RGS3: variants seen among roughly 807,000 people sequenced by gnomAD.
RGS3 encodes the protein regulator of G protein signaling 3.
In RGS3, 80 loss-of-function variants were observed where a neutral mutation model predicts 132.6. The observed-to-expected ratio is 0.60, with a 90% CI of 0.50 to 0.73. RGS3 has a LOEUF of 0.73. Ranked by LOEUF, RGS3 falls within the 30% of genes least tolerant of loss-of-function variation. The pLI is 0.00. For missense variants in RGS3, 1,382 were observed against 1,530.8 expected (o/e 0.90, Z 1.62); for synonymous variants, 598 against 620.6 (o/e 0.96, Z 0.54).
chr9:113,544,897 A>G (rs1052006495), intron 19 of RGS3, among the ~76,000 whole-genome samples: 2 of 152,270 alleles, frequency 1.3e-5, no homozygotes, highest in Admixed American at 6.5e-5. Context: ...GATATCCGGC[A>G]TGTCAGAAGC....
chr9:113,461,930 C>A, intron 2 of RGS3: 1 of 1,592,040 alleles, frequency 6.3e-7, no homozygotes, highest in South Asian at 1.1e-5. Context: ...TCCTGAACAC[C>A]ATGCTTTCTA....
chr9:113,539,673 AGG>A (rs1832822553), intron 19 of RGS3, among the ~76,000 whole-genome samples: 1 of 152,148 alleles, frequency 6.6e-6, no homozygotes. Flanking sequence ...CTCTGGGAAA[AGG>A]GGGTTTGTAA....
chr9:113,447,319 GTATGTATATGTATATA>G (rs1437125111), intron 1 of RGS3, among the ~76,000 whole-genome samples: 5 of 21,886 alleles, frequency 2.3e-4, no homozygotes, highest in Non-Finnish European at 5.5e-4. Context: ...AAATTCTGAT[GTATGTATATGTATATA>G]TATATATATA....
chr9:113,450,781 G>A (rs535544855), intron 1 of RGS3, among the ~76,000 whole-genome samples: 74 of 152,294 alleles, frequency 4.9e-4, no homozygotes, highest in Non-Finnish European at 9.1e-4. Flanking sequence ...GGAAAACTCA[G>A]GCAAGGGGGA....
intron 24 of RGS3, 114 bp downstream of exon 22, chr9:113,595,879 A>G (rs1374347816): frequency 3.5e-6 from 4 of 1,145,364 alleles, no homozygotes; most frequent in African/African-American, 3.1e-5. Flanking sequence ...TGACTCCATG[A>G]GCCCAGGTAC....
chr9:113,532,668 C>T lies in RGS3; in HGVS notation c.1914+3404C>T, dbSNP rs142137289. On this transcript the variant is annotated intron_variant, in intron 18 of 24. Transcript: ENST00000350696. The stretch of plus-strand genomic sequence containing the variant: ...AATCATGGCTATTACCTTGCAGTGT[C>T]GTTGGAAGAAATGTCGAGGTATCAC... 1.9e-3 allele frequency among the ~76,000 whole-genome samples: 296 copies of T among 152,244 alleles called. 2 individuals are homozygous for T. The highest frequency in any genetic ancestry group is 6.4e-3 in the African/African-American group (267 of 41,538).
chr9:113,577,373 C>T (rs538523365), intron 19 of RGS3, among the ~76,000 whole-genome samples: 1 of 152,236 alleles, frequency 6.6e-6, no homozygotes, highest in South Asian at 2.1e-4. Flanking sequence ...TGCCAACCTC[C>T]CTAGTAAAAA....
At chr9:113,530,271 C>G (rs1407153605) in intron 18 of RGS3, among the ~76,000 whole-genome samples, 1 of 152,202 alleles carries the variant, frequency 6.6e-6, no homozygotes, top group African/African-American at 2.4e-5. Context: ...TGAACAGCCC[C>G]CTGGAGGAGA....
intron 6 of RGS3, 117 bp downstream of exon 4, chr9:113,484,349 A>T (rs1162098160): frequency 2.1e-6 from 1 of 474,250 alleles, no homozygotes; most frequent in Non-Finnish European, 3.8e-6. Flanking sequence ...AAAAAAAAAA[A>T]CCAAAACAAA....
intron 7 of RGS3, 99 bp downstream of exon 5, chr9:113,485,792 G>T: frequency 1.3e-6 from 1 of 795,532 alleles, no homozygotes; most frequent in Non-Finnish European, 2.1e-6. Flanking sequence ...GTGCTTTCTG[G>T]ATAAATGAGT....
At chr9:113,453,145 GAT>G (rs1423894371) in intron 1 of RGS3, among the ~76,000 whole-genome samples, 1 of 118,616 alleles carries the variant, frequency 8.4e-6, no homozygotes, top group Non-Finnish European at 1.7e-5. Flanking sequence ...ATACTCATAT[GAT>G]TATATAATAT....
intron 3 of RGS3, among the ~76,000 whole-genome samples, chr9:113,471,402 C>T (rs1224395411): frequency 6.6e-6 from 1 of 152,176 alleles, no homozygotes; most frequent in Non-Finnish European, 1.5e-5. Context: ...TTTCCTTCTA[C>T]AGTCCTCCAT....
chr9:113,460,137 T>C (rs1935448876), upstream of RGS3: 2 of 958,194 alleles, frequency 2.1e-6, no homozygotes, highest in African/African-American at 3.6e-5. Context: ...AGGTCTATTT[T>C]ACTGAACTTT....
At chr9:113,483,619 C>T (rs1830233946) in intron 5 of RGS3, among the ~76,000 whole-genome samples, 1 of 152,210 alleles carries the variant, frequency 6.6e-6, no homozygotes, top group Admixed American at 6.5e-5. Context: ...AGTGTGGCAG[C>T]TGGGGTTCCA....
chr9:113,474,987 C>G (rs961055766), intron 3 of RGS3, among the ~76,000 whole-genome samples: 16 of 152,152 alleles, frequency 1.1e-4, no homozygotes, highest in African/African-American at 3.9e-4. Context: ...TATTGTCTGC[C>G]AGACTGAATT....
chr9:113,465,152 G>C (rs1251405998), intron 3 of RGS3, among the ~76,000 whole-genome samples: 1 of 152,222 alleles, frequency 6.6e-6, no homozygotes, highest in Non-Finnish European at 1.5e-5. Context: ...TGGGATGCAG[G>C]GCTCTGTGAG....
chr9:113,451,142 C>T (rs1259729474), intron 1 of RGS3, among the ~76,000 whole-genome samples: 1 of 150,582 alleles, frequency 6.6e-6, no homozygotes, highest in African/African-American at 2.5e-5. Flanking sequence ...CACACCACTG[C>T]ACCTCCAGCC....
intron 10 of RGS3, among the ~76,000 whole-genome samples, chr9:113,503,917 AT>A (rs1831023539): frequency 6.7e-6 from 1 of 150,000 alleles, no homozygotes; most frequent in Non-Finnish European, 1.5e-5. Context: ...CTTTCTTTCC[AT>A]TTTTTTCTCT....
intron 23 of RGS3, 170 bp from the exon 22 acceptor site, chr9:113,595,429 G>A: frequency 1.5e-6 from 1 of 646,074 alleles, no homozygotes. Flanking sequence ...CCCTGAAAGA[G>A]GCAGTGGCAG....
Sources: allele counts gnomAD v4.1 joint callset (sites outside exome capture counted in the v4.1 genomes callset), GRCh38; gene constraint gnomAD v4.1.1; transcripts MANE v1.5; gene names NCBI Gene and HGNC (gene_info 2026-07-23, HGNC 2026-07-21).